The following DNM3 variants were observed in gnomAD, a reference collection of about 807,000 sequenced individuals.
DNM3 encodes dynamin 3.
DNM3 carries 47 observed loss-of-function variants against 101.6 expected under a neutral mutation model. The observed-to-expected ratio is 0.46, with a 90% CI of 0.37 to 0.59. The LOEUF is 0.59. Ranked by LOEUF, DNM3 falls within the 20% of genes least tolerant of loss-of-function variation. The pLI, the probability that DNM3 is intolerant of heterozygous loss-of-function variation, is 0.00. For synonymous variants in DNM3, 385 were observed against 387.9 expected (o/e 0.99, Z 0.09); for missense variants, 849 against 1,085.7 (o/e 0.78, Z 3.06).
chr1:172,068,904 A>G lies in DNM3; in HGVS notation c.1421A>G (p.Gln474Arg), dbSNP rs1375403438. Residue 474 changes from glutamine (Q) to arginine (R), a missense_variant and splice_region_variant, in exon 11 of 21, where the codon CAG becomes CGG. By Grantham distance (43) the Gln-to-Arg change is conservative (BLOSUM62 1). Around this residue, in one of 5 missense-constraint regions of DNM3, gnomAD observed 193 missense variants for 238.4 expected, o/e 0.81. Transcript: ENST00000627582. ...IREREGKTKD[Q>R]VLLLIDIQVS... ...GAGCGAGAAGGGAAGACAAAGGACCAGGTAAAGAGAGGTCTTCCCTGGTGG... is the reference window on the plus strand; with the variant it reads ...GAGCGAGAAGGGAAGACAAAGGACCGGGTAAAGAGAGGTCTTCCCTGGTGG... 6.4e-7 allele frequency: 1 copy of G among 1,557,022 alleles called. No individual in the cohort carries two copies. The highest frequency in any genetic ancestry group is 8.7e-7 in the Non-Finnish European group (1 of 1,149,844).
intron 10 of DNM3, among the ~76,000 whole-genome samples, chr1:172,061,540 C>A (rs1157786101): frequency 6.6e-6 from 1 of 151,518 alleles, no homozygotes; most frequent in Non-Finnish European, 1.5e-5. Flanking sequence ...GAGTTCGTGT[C>A]CTTTGTAGGG....
intron 5 of DNM3, 67 bp downstream of exon 5, chr1:172,032,567 G>C (rs568282670): frequency 2.0e-6 from 2 of 990,148 alleles, no homozygotes; most frequent in East Asian, 5.5e-5. Flanking sequence ...TTATATGGAA[G>C]AGAAATGATT....
chr1:172,395,359 T>C (rs1156995721), intron 20 of DNM3, among the ~76,000 whole-genome samples: 3 of 151,898 alleles, frequency 2.0e-5, no homozygotes, highest in Admixed American at 6.6e-5. Context: ...TGAGTAGAGA[T>C]AGGGTTTCAC....
intron 15 of DNM3, among the ~76,000 whole-genome samples, chr1:172,280,932 A>G (rs1303053392): frequency 6.6e-6 from 1 of 152,214 alleles, no homozygotes; most frequent in Non-Finnish European, 1.5e-5. Flanking sequence ...TAAAAGTGGC[A>G]TTCCACATCT....
intron 14 of DNM3, among the ~76,000 whole-genome samples, chr1:172,176,207 A>G (rs988407739): frequency 1.3e-5 from 2 of 151,816 alleles, no homozygotes; most frequent in Admixed American, 6.6e-5. Context: ...AAGAGAAGAT[A>G]TAGGGTGGAA....
Position 172,318,920 on chromosome 1 carries a change from G to T in DNM3, c.1882-4409G>T, listed in dbSNP as rs529092658. Among the ~76,000 whole-genome samples, 1,068 of 152,204 alleles carry T rather than the reference G, an allele frequency of 7.0e-3. 9 individuals are homozygous for T. The highest frequency in any genetic ancestry group is 0.024 in the African/African-American group (1,011 of 41,522). On this transcript the variant is annotated intron_variant, in intron 16 of 20. Coordinates refer to ENST00000627582, the MANE Select transcript of DNM3 (RefSeq NM_015569.5). ...TTCATGTGGAACCAAAAAAGAGCCTGCATCGCCAAGTCAATCCTAAGCCAA... is the reference window on the plus strand; with the variant it reads ...TTCATGTGGAACCAAAAAAGAGCCTTCATCGCCAAGTCAATCCTAAGCCAA...
At chr1:172,033,883 A>G (rs1421633317) in intron 6 of DNM3, among the ~76,000 whole-genome samples, 1 of 152,122 alleles carries the variant, frequency 6.6e-6, no homozygotes, top group African/African-American at 2.4e-5. Context: ...TTGGTTACAG[A>G]TATTCCTTCC....
chr1:172,339,115 G>A (rs369550608), intron 17 of DNM3: 34 of 458,706 alleles, frequency 7.4e-5, no homozygotes, highest in African/African-American at 4.7e-4. Context: ...ATATTTGGTC[G>A]TATTTTGATA....
At chr1:172,039,835 G>A (rs1379925929) in intron 7 of DNM3, among the ~76,000 whole-genome samples, 2 of 151,956 alleles carry the variant, frequency 1.3e-5, no homozygotes, top group Non-Finnish European at 2.9e-5. Flanking sequence ...GTCTGGTTCT[G>A]TGAAATGAAT....
rs2071020676 is a variant in DNM3, at chr1:172,408,073, G to A, written c.*232G>A. 2.2e-6 allele frequency: 3 copies of A among 1,358,638 alleles called. No homozygotes were observed. The allele number at this position is 1,358,638 out of a possible 1,614,324, so 84.2% of individuals were successfully genotyped here. ...GGCTTTATATGTTGTACTGACCAAG[G>A]TAGGTTTGTATAGCAGCCCTATACT... is the stretch of plus-strand genomic sequence containing the variant. On this transcript the variant is annotated 3_prime_UTR_variant, in exon 21 of 21. Transcript: ENST00000627582.
At chr1:172,031,993 G>C (rs1010630255) in intron 4 of DNM3, among the ~76,000 whole-genome samples, 1 of 151,986 alleles carries the variant, frequency 6.6e-6, no homozygotes, top group Non-Finnish European at 1.5e-5. Context: ...TCTCATCATT[G>C]GTCCATGCAT....
chr1:172,036,464 A>T (rs12025492), intron 6 of DNM3, among the ~76,000 whole-genome samples: 14 of 151,226 alleles, frequency 9.3e-5, no homozygotes, highest in Admixed American at 1.3e-4. Context: ...TCAATGGAAC[A>T]GAACAGAGCC....
intron 14 of DNM3, among the ~76,000 whole-genome samples, chr1:172,248,850 T>C (rs2062057799): frequency 6.6e-6 from 1 of 152,134 alleles, no homozygotes; most frequent in Non-Finnish European, 1.5e-5. Context: ...TCAAATCAAT[T>C]CAATAATATT....
intron 14 of DNM3, among the ~76,000 whole-genome samples, chr1:172,147,451 C>A (rs1572720451): frequency 6.6e-6 from 1 of 152,126 alleles, no homozygotes; most frequent in East Asian, 1.9e-4. Context: ...AAGTTGTTGA[C>A]CAAAGTGATT....
chr1:172,388,588 C>T lies in DNM3; in HGVS notation c.2301C>T (p.Ser767=), dbSNP rs2069334937. 1 of 1,613,982 alleles carries T rather than the reference C, an allele frequency of 6.2e-7. No homozygotes were observed. Among genetic ancestry groups the T allele is most frequent in the South Asian group, 1.1e-5 (1 of 91,080 alleles). Residue 767 remains serine, a synonymous_variant, in exon 20 of 21, where the codon AGC becomes AGT. Coordinates refer to ENST00000627582, the MANE Select transcript of DNM3 (RefSeq NM_015569.5). ...TTTTCCTCAGGTCACCTCCTCCAAG[C>T]CCCACAACCCAAAGGAGGCCAACAC... The part of the protein sequence containing the change: ...IQHSRRSPPP[S]PTTQRRPTLS...
intron 17 of DNM3, among the ~76,000 whole-genome samples, chr1:172,326,736 G>T (rs1202196369): frequency 1.3e-5 from 2 of 151,954 alleles, no homozygotes; most frequent in African/African-American, 4.8e-5. Context: ...ATCTTAACAT[G>T]TAAGGAATAT....
intron 1 of DNM3, among the ~76,000 whole-genome samples, chr1:171,876,905 C>T (rs1041808154): frequency 5.9e-5 from 9 of 152,096 alleles, no homozygotes; most frequent in Non-Finnish European, 1.2e-4. Context: ...AATGTTGTTC[C>T]AGGCGATTAG....
chr1:172,068,733 C>T, intron 10 of DNM3, 86 bp from the exon 11 acceptor site: 2 of 1,195,756 alleles, frequency 1.7e-6, no homozygotes, highest in Non-Finnish European at 2.4e-6. Flanking sequence ...TGAATATCTT[C>T]TGTAAAATAA....
intron 13 of DNM3, among the ~76,000 whole-genome samples, chr1:172,097,579 G>A (rs538588545): frequency 1.3e-5 from 2 of 152,244 alleles, no homozygotes; most frequent in African/African-American, 4.8e-5. Context: ...ACCTCCAAAG[G>A]ATGAGAACAT....
Sources: allele counts gnomAD v4.1 joint callset (sites outside exome capture counted in the v4.1 genomes callset), GRCh38; gene constraint gnomAD v4.1.1; regional missense constraint gnomAD v4.1.1; transcripts MANE v1.5; gene names NCBI Gene and HGNC (gene_info 2026-07-23, HGNC 2026-07-21).